Variants in SAMD12 observed in about 807,000 individuals in gnomAD.
SAMD12 encodes the protein sterile alpha motif domain containing 12, also known as sterile alpha motif domain-containing protein 12.
SAMD12 carries 9 observed loss-of-function variants against 15.0 expected under a neutral mutation model. That is an observed-to-expected ratio of 0.60 (90% CI 0.36 to 1.05). The LOEUF (loss-of-function observed/expected upper bound fraction) is 1.05. Ranked by LOEUF, SAMD12 falls within the 50% of genes least tolerant of loss-of-function variation. The pLI, the probability that SAMD12 is intolerant of heterozygous loss-of-function variation, is 0.01. For missense variants in SAMD12, 230 were observed against 234.2 expected (o/e 0.98, Z 0.12); for synonymous variants, 86 against 90.1 (o/e 0.96, Z 0.25).
intron 1 of SAMD12, among the ~76,000 whole-genome samples, chr8:118,615,352 A>G (rs1201456766): frequency 6.6e-6 from 1 of 152,054 alleles, no homozygotes; most frequent in Non-Finnish European, 1.5e-5. Flanking sequence ...CACTTATATC[A>G]TTCAGTCTAA....
At chr8:118,153,742 G>T in the SAMD12 span, among the ~76,000 whole-genome samples, 1 of 152,122 alleles carries the variant, frequency 6.6e-6, no homozygotes, top group Non-Finnish European at 1.5e-5. Flanking sequence ...CTAGGTCAGA[G>T]TGATATCTTT....
chr8:118,284,669 A>G (rs184099869), intron 4 of SAMD12: 181 of 212,090 alleles, frequency 8.5e-4, no homozygotes, highest in African/African-American at 3.6e-3. Flanking sequence ...TTGGCCGGGC[A>G]CTGTGGCTCA....
the SAMD12 span, among the ~76,000 whole-genome samples, chr8:118,139,821 C>T: frequency 6.6e-5 from 10 of 152,226 alleles, no homozygotes; most frequent in African/African-American, 4.8e-5. Context: ...GCCCATTTTC[C>T]GTTGGCTCTC....
the SAMD12 span, among the ~76,000 whole-genome samples, chr8:118,175,171 T>C: frequency 1.3e-5 from 2 of 151,906 alleles, no homozygotes; most frequent in Non-Finnish European, 2.9e-5. Context: ...ATTAGAGAAC[T>C]CAGAAATAAA....
rs1554581211 is a variant in SAMD12 at position 118,536,439 on chromosome 8, C to CAG, written c.192+44275_192+44276insCT. Among the ~76,000 whole-genome samples the CAG allele has an allele frequency of 7.5e-3, 440 of 58,564 alleles. 2 individuals are homozygous for CAG. The highest frequency in any genetic ancestry group is 0.022 in the African/African-American group (415 of 18,564). 38.4% of individuals were successfully genotyped at this position (58,564 alleles called of 152,430 possible). On this transcript the variant is annotated intron_variant, in intron 2 of 3. Coordinates refer to ENST00000314727, the MANE Select transcript of SAMD12 (RefSeq NM_207506.3). ...TTAGATTGAGCTATGTAGACTGATA[C>CAG]ACAAACACACACACACACACACACA...
chr8:118,520,225 G>GA (rs941762126), intron 2 of SAMD12, among the ~76,000 whole-genome samples: 1 of 148,966 alleles, frequency 6.7e-6, no homozygotes, highest in Non-Finnish European at 1.5e-5. Context: ...TAGTAAAGAA[G>GA]AAAAAAACAC....
At chr8:118,341,980 A>G (rs1817388565) in intron 4 of SAMD12, among the ~76,000 whole-genome samples, 1 of 152,226 alleles carries the variant, frequency 6.6e-6, no homozygotes, top group Admixed American at 6.5e-5. Context: ...AAAGCACTAA[A>G]CAAAATTCCT....
chr8:118,232,860 G>A (rs1285195992), intron 4 of SAMD12, among the ~76,000 whole-genome samples: 1 of 152,094 alleles, frequency 6.6e-6, no homozygotes, highest in African/African-American at 2.4e-5. Flanking sequence ...TTGTGCAGTG[G>A]GACCACCAGC....
At chr8:118,242,067 C>A (rs765951301) in intron 4 of SAMD12, among the ~76,000 whole-genome samples, 2 of 152,108 alleles carry the variant, frequency 1.3e-5, no homozygotes, top group Non-Finnish European at 2.9e-5. Flanking sequence ...CACATGCCAC[C>A]AAACCATGGC....
intron 4 of SAMD12, among the ~76,000 whole-genome samples, chr8:118,233,477 C>T (rs552640856): frequency 6.6e-6 from 1 of 152,238 alleles, no homozygotes; most frequent in East Asian, 1.9e-4. Flanking sequence ...CTCAGGTCTA[C>T]CTCTTATGAA....
intron 4 of SAMD12, among the ~76,000 whole-genome samples, chr8:118,221,134 C>T (rs1456856456): frequency 6.6e-6 from 1 of 151,918 alleles, no homozygotes; most frequent in African/African-American, 2.4e-5. Context: ...ATTTTTGTCT[C>T]GTCTATTAGT....
intron 3 of SAMD12, among the ~76,000 whole-genome samples, chr8:118,420,284 T>C: frequency 6.6e-6 from 1 of 152,330 alleles, no homozygotes; most frequent in East Asian, 1.9e-4. Context: ...TGTGCCTCTG[T>C]GTGTGTTTGT....
chr8:118,273,674 A>T (rs1843534), intron 4 of SAMD12, among the ~76,000 whole-genome samples: 3,371 of 152,286 alleles, frequency 0.022, 142 homozygotes, highest in African/African-American at 0.076. Flanking sequence ...CAGACTGTCA[A>T]TACATGGCCT....
At chr8:118,535,593 C>T (rs1825816801) in intron 2 of SAMD12, among the ~76,000 whole-genome samples, 1 of 152,224 alleles carries the variant, frequency 6.6e-6, no homozygotes, top group Non-Finnish European at 1.5e-5. Context: ...TGGTGGGTTC[C>T]ACCCAGTTCC....
At chr8:118,464,327 A>G (rs1266903885) in intron 2 of SAMD12, among the ~76,000 whole-genome samples, 1 of 152,200 alleles carries the variant, frequency 6.6e-6, no homozygotes, top group Non-Finnish European at 1.5e-5. Flanking sequence ...GAGAAATGGC[A>G]GGGGCAGAGT....
chr8:118,440,180 CTG>C (rs1361190717), intron 2 of SAMD12, among the ~76,000 whole-genome samples: 1 of 152,154 alleles, frequency 6.6e-6, no homozygotes, highest in Non-Finnish European at 1.5e-5. Context: ...CTAACCATCT[CTG>C]CTAAGAAAAA....
chr8:118,221,861 G>A (rs1586357795), intron 4 of SAMD12, among the ~76,000 whole-genome samples: 1 of 152,306 alleles, frequency 6.6e-6, no homozygotes, highest in Non-Finnish European at 1.5e-5. Flanking sequence ...ATACTTAATT[G>A]AGACCACAGC....
intron 4 of SAMD12, among the ~76,000 whole-genome samples, chr8:118,261,144 G>T (rs1325154853): frequency 1.3e-5 from 2 of 151,984 alleles, no homozygotes; most frequent in Non-Finnish European, 2.9e-5. Context: ...TTCATCAAAG[G>T]CTCCGATTTC....
chr8:118,449,074 T>G (rs1823000659), intron 2 of SAMD12, among the ~76,000 whole-genome samples: 1 of 151,580 alleles, frequency 6.6e-6, no homozygotes, highest in Admixed American at 6.6e-5. Flanking sequence ...TTTTTTTTTT[T>G]TTTTTTGAGA....
Sources: gnomAD v4.1 joint callset for allele counts (sites outside exome capture counted in the v4.1 genomes callset) on GRCh38, gnomAD v4.1.1 for gene constraint, MANE v1.5 for transcripts, NCBI Gene and HGNC (gene_info 2026-07-23, HGNC 2026-07-21) for gene names.